ILDR1: variants seen among roughly 807,000 people sequenced by gnomAD.
ILDR1 encodes immunoglobulin-like domain-containing receptor 1.
In ILDR1, 56 loss-of-function variants were observed where a neutral mutation model predicts 62.4. The observed-to-expected ratio is 0.90, with a 90% confidence interval of 0.72 to 1.12. The LOEUF (loss-of-function observed/expected upper bound fraction) is 1.12, where lower values mean the gene tolerates loss of function less well. ILDR1 is among the 50% of genes most tolerant of loss of function. The pLI, the probability that ILDR1 is intolerant of heterozygous loss-of-function variation, is 0.00. For missense variants in ILDR1, 736 were observed against 710.6 expected, an observed-to-expected ratio of 1.04 and a Z score of -0.41; for synonymous variants, 284 against 277.8, an observed-to-expected ratio of 1.02 and a Z score of -0.22.
intron 2 of ILDR1, 49 bp from the exon 3 acceptor site, chr3:122,005,442 CA>C (rs34370755): frequency 4.1e-5 from 65 of 1,595,666 alleles, no homozygotes; most frequent in East Asian, 6.7e-5. Flanking sequence ...GGGGTTCCCA[CA>C]AAAAAAAGGT....
chr3:122,037,535 T>C, the ILDR1 span, among the ~76,000 whole-genome samples: 7 of 152,194 alleles, frequency 4.6e-5, no homozygotes, highest in Non-Finnish European at 1.0e-4. Context: ...AATGGGAGCA[T>C]TTACCCAAGG....
Position 122,005,297 on chromosome 3 carries a change from T to A in ILDR1, c.326A>T (p.Asn109Ile). 1 of 1,578,836 alleles carries A rather than the reference T, an allele frequency of 6.3e-7. No homozygotes were observed. Among genetic ancestry groups the A allele is most frequent in the Non-Finnish European group, 8.6e-7 (1 of 1,158,288 alleles). Residue 109 changes from asparagine to isoleucine, a missense_variant, in exon 3 of 8, where the codon AAT becomes ATT. By Grantham distance (149) the Asn-to-Ile change is moderately radical (BLOSUM62 -3). Coordinates refer to ENST00000344209, the MANE Select transcript of ILDR1 (RefSeq NM_001199799.2). ...GTAATCTACCCCCAGCACGGGCTCATTCTGCCCCCGCCGCTGGGCCACTAT... is the reference window on the plus strand; with the variant it reads ...GTAATCTACCCCCAGCACGGGCTCAATCTGCCCCCGCCGCTGGGCCACTAT... Reference protein sequence around the residue: ...VRIVAQRRGQNEPVLGVDYRQ... With the variant: ...VRIVAQRRGQIEPVLGVDYRQ...
In ILDR1 at chr3:121,994,214, GA is replaced by G. The variant is rs571007078; in HGVS notation, c.745del (p.Ser249HisfsTer24). On this transcript the variant is annotated frameshift_variant, in exon 6 of 8. Transcript: ENST00000344209. LOFTEE classifies it high-confidence loss of function. ...YWGADRSSQV[S>X]SYPMHPLLQR... ...CAGCAGCGGGTGCATTGGATAAGAT[GA>G]AACCTGGGAGCTCCTGTCCGCCCCC... 9.4e-5 allele frequency: 145 copies of G among 1,535,984 alleles called. No individual in the cohort carries two copies. The highest frequency in any genetic ancestry group is 1.2e-4 in the Non-Finnish European group (137 of 1,146,906).
chr3:122,043,301 C>T, the ILDR1 span, among the ~76,000 whole-genome samples: 2 of 151,724 alleles, frequency 1.3e-5, no homozygotes, highest in South Asian at 2.1e-4. Flanking sequence ...CAGTAACATG[C>T]TGTTTTGGTT....
At chr3:122,041,796 C>CT in the ILDR1 span, among the ~76,000 whole-genome samples, 12 of 148,462 alleles carry the variant, frequency 8.1e-5, no homozygotes, top group Admixed American at 2.0e-4. Context: ...TTAGATTTAA[C>CT]TTTTTTTTTT....
chr3:122,012,685 T>C (rs2071722045), intron 1 of ILDR1, among the ~76,000 whole-genome samples: 1 of 152,190 alleles, frequency 6.6e-6, no homozygotes, highest in South Asian at 2.1e-4. Context: ...ATGTCCCCCA[T>C]TTAGCAAAGA....
At chr3:122,012,534 G>GCAGGGAGACCAGGT in intron 1 of ILDR1, among the ~76,000 whole-genome samples, 7 of 152,278 alleles carry the variant, frequency 4.6e-5, no homozygotes, top group African/African-American at 1.7e-4. Flanking sequence ...GTCAACATTA[G>GCAGGGAGACCAGGT]TTGCTGGGGG....
chr3:121,996,537 G>A (rs1175913384), intron 5 of ILDR1, among the ~76,000 whole-genome samples: 1 of 152,142 alleles, frequency 6.6e-6, no homozygotes, highest in Non-Finnish European at 1.5e-5. Context: ...GGTATCTGTT[G>A]CTCACCTAAT....
intron 1 of ILDR1, among the ~76,000 whole-genome samples, chr3:122,018,518 G>T (rs1441627883): frequency 6.6e-6 from 1 of 152,138 alleles, no homozygotes; most frequent in Non-Finnish European, 1.5e-5. Context: ...TTCTGCACAT[G>T]TAACCCAGTA....
intron 1 of ILDR1, 150 bp downstream of exon 1, chr3:122,021,870 G>C: frequency 2.9e-6 from 2 of 700,486 alleles, no homozygotes; most frequent in Non-Finnish European, 5.0e-6. Context: ...ACTCGATCCA[G>C]TCCCCGCACC....
chr3:122,047,701 T>G, the ILDR1 span, among the ~76,000 whole-genome samples: 1 of 152,224 alleles, frequency 6.6e-6, no homozygotes, highest in Non-Finnish European at 1.5e-5. Context: ...CACCCCTTTC[T>G]TTGACTCAGA....
intron 3 of ILDR1, among the ~76,000 whole-genome samples, chr3:122,003,247 G>C (rs911644303): frequency 6.6e-6 from 1 of 152,182 alleles, no homozygotes; most frequent in Non-Finnish European, 1.5e-5. Context: ...TTATCTGTTT[G>C]TCAAGAAATG....
the ILDR1 span, among the ~76,000 whole-genome samples, chr3:122,040,749 A>T: frequency 7.0e-6 from 1 of 142,408 alleles, no homozygotes. Context: ...AAAAAAAAAA[A>T]CAAGAATTAG....
chr3:121,988,162 T>G lies in ILDR1; in HGVS notation c.*205A>C. The G allele has an allele frequency of 1.5e-6, 1 of 653,032 alleles. No homozygotes were observed. Among genetic ancestry groups the G allele is most frequent in the South Asian group, 1.5e-5 (1 of 66,220 alleles). 40.5% of individuals were successfully genotyped at this position (653,032 alleles called of 1,614,324 possible). A position where few individuals can be genotyped will look rare whatever the true frequency, so the allele number is the denominator to read the frequency against. ...TCCTAGTCTCAAGTGATTCTTAGCC[T>G]CCCAAAGTGCTGTGATTACAGGTGT... is the stretch of plus-strand genomic sequence containing the variant. On this transcript the variant is annotated 3_prime_UTR_variant, in exon 8 of 8. Coordinates refer to ENST00000344209, the MANE Select transcript of ILDR1 (RefSeq NM_001199799.2).
At chr3:122,014,776 T>G (rs963982683) in intron 1 of ILDR1, among the ~76,000 whole-genome samples, 1 of 152,232 alleles carries the variant, frequency 6.6e-6, no homozygotes, top group Non-Finnish European at 1.5e-5. Flanking sequence ...AATTTTTTTT[T>G]GATAAACTAC....
chr3:122,040,701 A>C, the ILDR1 span, among the ~76,000 whole-genome samples: 3 of 150,888 alleles, frequency 2.0e-5, no homozygotes, highest in East Asian at 5.8e-4. Flanking sequence ...AAATAATGCT[A>C]GAACAACTGG....
chr3:122,020,906 C>T (rs898434018), intron 1 of ILDR1, among the ~76,000 whole-genome samples: 2 of 152,158 alleles, frequency 1.3e-5, no homozygotes, highest in Non-Finnish European at 2.9e-5. Flanking sequence ...AGTTTCCCTA[C>T]CCTTTTGCAA....
the ILDR1 span, among the ~76,000 whole-genome samples, chr3:122,055,952 A>C: frequency 6.6e-6 from 1 of 152,140 alleles, no homozygotes; most frequent in Non-Finnish European, 1.5e-5. Context: ...GAAAATGCAA[A>C]ACTCAGTTAA....
the ILDR1 span, among the ~76,000 whole-genome samples, chr3:122,037,881 G>A: frequency 6.6e-6 from 1 of 152,062 alleles, no homozygotes; most frequent in Admixed American, 6.6e-5. Flanking sequence ...TATTGAATGA[G>A]TTCTCATGAT....
Sources: allele counts gnomAD v4.1 joint callset (sites outside exome capture counted in the v4.1 genomes callset), GRCh38; gene constraint gnomAD v4.1.1; transcripts MANE v1.5; gene names NCBI Gene and HGNC (gene_info 2026-07-23, HGNC 2026-07-21).